NECTIN3: variants seen among roughly 807,000 people sequenced by gnomAD.
The protein encoded by NECTIN3 is nectin-3.
A neutral mutation model predicts 49.4 loss-of-function variants in NECTIN3; 8 were observed. The observed-to-expected ratio is 0.16, with a 90% CI of 0.10 to 0.29. The LOEUF is 0.29. Among genes scored for constraint, NECTIN3 ranks in the 10% least tolerant of loss-of-function variants. The pLI is 1.00. For missense variants in NECTIN3, 581 were observed against 654.6 expected (o/e 0.89, Z 1.23); for synonymous variants, 277 against 241.1 (o/e 1.15, Z -1.38).
chr3:111,193,473 T>C, intron 1 of NECTIN3: 9 of 1,313,040 alleles, frequency 6.9e-6, no homozygotes, highest in East Asian at 2.5e-5. Context: ...GTCTCTCATA[T>C]AAGAACAGTC....
intron 2 of NECTIN3, among the ~76,000 whole-genome samples, chr3:111,117,245 G>T (rs772424101): frequency 6.6e-6 from 1 of 151,996 alleles, no homozygotes. Context: ...ACAAAAATAC[G>T]TATGGTCCAA....
At chr3:111,154,300 TCA>T (rs1439737429) in intron 7 of NECTIN3, among the ~76,000 whole-genome samples, 1 of 152,340 alleles carries the variant, frequency 6.6e-6, no homozygotes, top group East Asian at 1.9e-4. Context: ...CTTTCTTCTT[TCA>T]CTCTACATAG....
chr3:111,087,856 C>A (rs2032026032), intron 1 of NECTIN3, among the ~76,000 whole-genome samples: 1 of 151,860 alleles, frequency 6.6e-6, no homozygotes, highest in Admixed American at 6.6e-5. Flanking sequence ...CGCTACCACG[C>A]CTGGCAAATT....
Position 111,155,025 on chromosome 3 carries a change from A to C in NECTIN3, c.1221+7541A>C, listed in dbSNP as rs570499182. Among the ~76,000 whole-genome samples the C allele has an allele frequency of 1.8e-4, 27 of 151,748 alleles. No individual in the cohort carries two copies. In the East Asian group the frequency reaches 5.1e-3, roughly 28 times the overall value. ...CAATCTTGGCTCACTGCAACCTCCT[A>C]CTCCCAGGTTCAAGCGATTCTCCTG... On this transcript the variant is annotated intron_variant, in intron 7 of 8. Coordinates refer to the NECTIN3 transcript ENST00000493615.
chr3:111,117,684 C>G (rs2033746592), intron 2 of NECTIN3, among the ~76,000 whole-genome samples: 1 of 151,510 alleles, frequency 6.6e-6, no homozygotes, highest in Non-Finnish European at 1.5e-5. Context: ...AAAGAACCAA[C>G]TTGAAGTCCT....
chr3:111,111,945 A>C (rs1025409707), intron 1 of NECTIN3, 85 bp from the exon 2 acceptor site: 1 of 739,770 alleles, frequency 1.4e-6, no homozygotes, highest in African/African-American at 1.8e-5. Context: ...AGCTAGAGAT[A>C]GTTACACAGG....
At chr3:111,174,967 T>C (rs985385766) in intron 7 of NECTIN3, among the ~76,000 whole-genome samples, 1 of 152,028 alleles carries the variant, frequency 6.6e-6, no homozygotes, top group Non-Finnish European at 1.5e-5. Flanking sequence ...AGTGTGGACT[T>C]GAAGGATGAA....
At chr3:111,153,995 G>C (rs78080124) in intron 7 of NECTIN3, among the ~76,000 whole-genome samples, 4,057 of 152,206 alleles carry the variant, frequency 0.027, 125 homozygotes, top group African/African-American at 0.078. Context: ...CTTTATTAAA[G>C]TATTAATTAG....
intron 1 of NECTIN3, among the ~76,000 whole-genome samples, chr3:111,110,172 T>G (rs1015923386): frequency 1.3e-5 from 2 of 152,024 alleles, no homozygotes; most frequent in Non-Finnish European, 2.9e-5. Flanking sequence ...TCCTTCCTAA[T>G]ATTTATCCTT....
At chr3:111,140,892 C>T (rs930851338), downstream of NECTIN3, among the ~76,000 whole-genome samples, 1 of 151,910 alleles carries the variant, frequency 6.6e-6, no homozygotes, top group African/African-American at 2.4e-5. Flanking sequence ...TACTAGTAAA[C>T]AGTTATTTTC....
chr3:111,098,210 C>G (rs1175958185), intron 1 of NECTIN3, among the ~76,000 whole-genome samples: 1 of 152,198 alleles, frequency 6.6e-6, no homozygotes, highest in Non-Finnish European at 1.5e-5. Flanking sequence ...AACGTCTTCC[C>G]TGTTTTTGTT....
In NECTIN3 at chr3:111,090,646, C is replaced by A. The variant is rs57531379; in HGVS notation, c.160+18469C>A. On this transcript the variant is annotated intron_variant, in intron 1 of 5. Transcript: ENST00000485303. ...TTATTTTTTTATACAGTAAATATTT[C>A]TTTTTCATATGTGTTTACCCTTTCT... Among the ~76,000 whole-genome samples, 161 of 146,188 alleles carry A rather than the reference C, an allele frequency of 1.1e-3. 3 individuals are homozygous for A. The highest frequency in any genetic ancestry group is 3.9e-3 in the African/African-American group (153 of 39,624).
chr3:111,125,706 A>AT (rs2107477693), intron 4 of NECTIN3, among the ~76,000 whole-genome samples: 1 of 152,314 alleles, frequency 6.6e-6, no homozygotes, highest in African/African-American at 2.4e-5. Context: ...TTGCATTAGC[A>AT]TTAAATGATG....
At chr3:111,100,889 T>A (rs1403512491) in intron 1 of NECTIN3, among the ~76,000 whole-genome samples, 1 of 152,098 alleles carries the variant, frequency 6.6e-6, no homozygotes, top group African/African-American at 2.4e-5. Flanking sequence ...AATACCTCTC[T>A]AACTTTGTAA....
At chr3:111,154,769 T>C (rs1021777137) in intron 7 of NECTIN3, among the ~76,000 whole-genome samples, 14 of 152,210 alleles carry the variant, frequency 9.2e-5, no homozygotes, top group African/African-American at 2.9e-4. Context: ...ATTTGCTGGT[T>C]TGTCATCAGT....
intron 1 of NECTIN3, chr3:111,072,662 A>G: frequency 7.7e-7 from 1 of 1,299,744 alleles, no homozygotes; most frequent in Non-Finnish European, 1.1e-6. Flanking sequence ...GCACCATTTT[A>G]GCCCACCCAG....
At chr3:111,193,465 C>T (rs1050478236) in intron 1 of NECTIN3, 1 of 1,360,458 alleles carries the variant, frequency 7.4e-7, no homozygotes, top group African/African-American at 1.5e-5. Flanking sequence ...ATTTTACTGT[C>T]TCTCATATAA....
Position 111,134,425 on chromosome 3 carries a change from C to T in NECTIN3, c.*210C>T, listed in dbSNP as rs1272703646. On this transcript the variant is annotated 3_prime_UTR_variant, in exon 6 of 6. Coordinates refer to ENST00000485303, the MANE Select transcript of NECTIN3 (RefSeq NM_015480.3). ...ACAATTTTTTTTCAATGCTGTACTA[C>T]TGTCTCAAGATTTAAATTTTAATGC... is the stretch of plus-strand genomic sequence containing the variant. 8.0e-7 allele frequency: 1 copy of T among 1,252,460 alleles called. No homozygotes were observed. The highest frequency in any genetic ancestry group is 1.0e-6 in the Non-Finnish European group (1 of 997,050). The allele number at this position is 1,252,460 out of a possible 1,614,324, so 77.6% of individuals were successfully genotyped here.
At chr3:111,137,958 C>T (rs897420851), downstream of NECTIN3, among the ~76,000 whole-genome samples, 2 of 151,414 alleles carry the variant, frequency 1.3e-5, no homozygotes, top group Non-Finnish European at 3.0e-5. Flanking sequence ...AATTCCCAAT[C>T]ATGAATTAAC....
Sources: gnomAD v4.1 joint callset for allele counts (sites outside exome capture counted in the v4.1 genomes callset) on GRCh38, gnomAD v4.1.1 for gene constraint, MANE v1.5 for transcripts, NCBI Gene and HGNC (gene_info 2026-07-23, HGNC 2026-07-21) for gene names.